Variants in TBC1D31 observed in about 807,000 individuals in gnomAD.
The protein encoded by TBC1D31 is WD repeat domain 67.
Under a neutral mutation model 132.9 loss-of-function variants are expected in TBC1D31, and 99 were observed. That is an observed-to-expected ratio of 0.74 (90% CI 0.63 to 0.88). The LOEUF is 0.88. Among genes scored for constraint, TBC1D31 ranks in the 40% least tolerant of loss-of-function variants. The pLI, the probability that TBC1D31 is intolerant of heterozygous loss-of-function variation, is 0.00. For missense variants in TBC1D31, 1,134 were observed against 1,256.6 expected (o/e 0.90, Z 1.48); for synonymous variants, 385 against 419.4 (o/e 0.92, Z 1.00).
rs759165989 is a variant in TBC1D31 at position 123,144,820 on chromosome 8, C to T, written c.2939C>T (p.Ala980Val). The T allele has an allele frequency of 1.1e-5, 18 of 1,613,224 alleles. No individual in the cohort carries two copies. In the East Asian group the frequency reaches 2.9e-4, roughly 26 times the overall value. ...RKWFLKQEIN[A>V]AVEHAENPCH... is the part of the protein sequence containing the mutation. ...TGGTTTTTAAAGCAAGAGATAAATG[C>T]GGCTGTAGAACATGCTGAAAATCCA... Residue 980 changes from alanine (A) to valine (V), a missense_variant, in exon 20 of 22, where the codon GCG (alanine) becomes GTG (valine). Ala to Val is a moderately conservative substitution (Grantham distance 64). Coordinates refer to ENST00000287380, the MANE Select transcript of TBC1D31 (RefSeq NM_145647.4).
At chr8:123,111,103 C>T (rs1443517673) in intron 10 of TBC1D31, among the ~76,000 whole-genome samples, 1 of 151,154 alleles carries the variant, frequency 6.6e-6, no homozygotes, top group Non-Finnish European at 1.5e-5. Context: ...TTTTTTTTTC[C>T]CCCCTTTGGT....
intron 7 of TBC1D31, chr8:123,103,229 T>G (rs763138086): frequency 3.5e-4 from 54 of 152,216 alleles, no homozygotes; most frequent in Non-Finnish European, 7.2e-4. Context: ...GTATGCATAC[T>G]TGTCTCTAAA....
intron 4 of TBC1D31, 144 bp from the exon 5 acceptor site, chr8:123,093,447 T>A: frequency 2.0e-6 from 1 of 491,210 alleles, no homozygotes; most frequent in Admixed American, 3.6e-5. Context: ...TCAGTATTAC[T>A]CCTTGTCATA....
At position 123,082,592 on chromosome 8, in the gene TBC1D31, G is replaced by C. The variant is rs532093457; in HGVS notation, c.225-110G>C. 97 of 711,838 alleles carry C rather than the reference G, an allele frequency of 1.4e-4. 1 individual carries two copies. The highest frequency in any genetic ancestry group is 1.9e-4 in the Non-Finnish European group (83 of 432,310). The allele number at this position is 711,838 out of a possible 1,614,324, so 44.1% of individuals were successfully genotyped here. A position where few individuals can be genotyped will look rare whatever the true frequency, so the allele number is the denominator to read the frequency against. On this transcript the variant is annotated intron_variant, in intron 2 of 21. Coordinates refer to ENST00000287380, the MANE Select transcript of TBC1D31 (RefSeq NM_145647.4). ...TCATAATCTATTTTTGGCCTAAAAT[G>C]GTAGCTCATTTTTCTGGGTTTCATT...
chr8:123,118,035 A>G (rs1475970133), intron 10 of TBC1D31, among the ~76,000 whole-genome samples: 2 of 152,246 alleles, frequency 1.3e-5, no homozygotes, highest in African/African-American at 4.8e-5. Context: ...CATAAGTATC[A>G]GACAAACCCA....
At chr8:123,114,956 T>C (rs868615569) in intron 10 of TBC1D31, among the ~76,000 whole-genome samples, 1 of 152,244 alleles carries the variant, frequency 6.6e-6, no homozygotes, top group African/African-American at 2.4e-5. Context: ...TTCTAAAAAA[T>C]GCACATGGAT....
intron 10 of TBC1D31, among the ~76,000 whole-genome samples, chr8:123,116,388 C>G (rs1445923513): frequency 6.6e-6 from 1 of 152,060 alleles, no homozygotes; most frequent in African/African-American, 2.4e-5. Flanking sequence ...GTAGAAGCCA[C>G]TTTTTGTATA....
At chr8:123,122,301 T>A (rs979051043) in intron 11 of TBC1D31, among the ~76,000 whole-genome samples, 5 of 152,104 alleles carry the variant, frequency 3.3e-5, no homozygotes, top group Non-Finnish European at 7.4e-5. Flanking sequence ...ATTAACAGAT[T>A]AATGGGTAAG....
rs770551081 is a variant in TBC1D31, at chr8:123,082,747, C to G, written c.270C>G (p.Ala90=). 12 of 1,613,318 alleles carry G rather than the reference C, an allele frequency of 7.4e-6. No individual in the cohort carries two copies. Among genetic ancestry groups the G allele is most frequent in the African/African-American group, 1.3e-5 (1 of 75,068 alleles). Residue 90 remains alanine, a synonymous_variant, in exon 3 of 22, where the codon GCC becomes GCG. Coordinates refer to ENST00000287380, the MANE Select transcript of TBC1D31 (RefSeq NM_145647.4). ...QRTAQACTAL[A]FNLRRKSEFL... is the part of the protein sequence containing the mutation. ...CAGCACAAGCTTGCACAGCTCTGGCCTTTAATCTTCGTAGGAAATCTGAAT... is the reference window on the plus strand; with the variant it reads ...CAGCACAAGCTTGCACAGCTCTGGCGTTTAATCTTCGTAGGAAATCTGAAT...
chr8:123,134,188 A>G lies in TBC1D31; in HGVS notation c.2481A>G (p.Gln827=), dbSNP rs763114028. ...TGAGACAGCTGGAACTCGAATCACA[A>G]AAGAGACTTTATGAGAAGGTATAAT... The part of the protein sequence containing the change: ...LEMRQLELES[Q]KRLYEKNLTE... Residue 827 remains glutamine (Q), a synonymous_variant, in exon 17 of 22, where the codon CAA becomes CAG. Transcript: ENST00000287380. 3.1e-6 allele frequency: 5 copies of G among 1,613,986 alleles called. No homozygotes were observed. The highest frequency in any genetic ancestry group is 3.3e-5 in the Admixed American group (2 of 60,014).
At chr8:123,100,751 A>T (rs1817320955) in intron 6 of TBC1D31, 56 bp from the exon 7 acceptor site, 1 of 1,364,278 alleles carries the variant, frequency 7.3e-7, no homozygotes. Context: ...ATATAGTAGG[A>T]CTTTCAGACA....
At chr8:123,081,545 TTAAA>T (rs1359456024) in intron 2 of TBC1D31, among the ~76,000 whole-genome samples, 1 of 152,220 alleles carries the variant, frequency 6.6e-6, no homozygotes, top group Non-Finnish European at 1.5e-5. Context: ...TTTTAATTGA[TTAAA>T]TATTGAAATA....
At chr8:123,104,400 A>C (rs776646559) in intron 7 of TBC1D31, among the ~76,000 whole-genome samples, 8 of 152,180 alleles carry the variant, frequency 5.3e-5, no homozygotes, top group Non-Finnish European at 1.2e-4. Context: ...ATTTAGAAGA[A>C]TGGATTGAAG....
chr8:123,124,951 A>AG (rs1420142129), intron 11 of TBC1D31, among the ~76,000 whole-genome samples: 1 of 151,870 alleles, frequency 6.6e-6, no homozygotes, highest in Non-Finnish European at 1.5e-5. Context: ...AAAAAAAAAA[A>AG]AAAAATTAAG....
At chr8:123,088,104 G>A (rs1240005687) in intron 4 of TBC1D31, among the ~76,000 whole-genome samples, 2 of 151,664 alleles carry the variant, frequency 1.3e-5, no homozygotes, top group East Asian at 1.9e-4. Flanking sequence ...CAGAAGAATC[G>A]CTTGAACCCG....
rs762699319 is a variant in TBC1D31, at chr8:123,105,444, G to A, written c.1189G>A (p.Gly397Ser). The change falls in exon 8 of 22, where the codon GGT becomes AGT. Residue 397 changes from glycine (G) to serine (S), a missense_variant. Coordinates refer to ENST00000287380, the MANE Select transcript of TBC1D31 (RefSeq NM_145647.4). The part of the protein sequence containing the change: ...QTRILKQDLT[G>S]DFESKKNELP... ...TAGAATATTAAAACAAGACCTGACT[G>A]GTGATTTTGAAAGTAAAAAGGTAAG... 3 of 1,608,384 alleles carry A rather than the reference G, an allele frequency of 1.9e-6. No individual in the cohort carries two copies. Among genetic ancestry groups the A allele is most frequent in the Non-Finnish European group, 2.5e-6 (3 of 1,177,730 alleles).
At chr8:123,080,074 A>G (rs1174461122) in intron 2 of TBC1D31, among the ~76,000 whole-genome samples, 1 of 152,242 alleles carries the variant, frequency 6.6e-6, no homozygotes, top group African/African-American at 2.4e-5. Context: ...TAACAAGAGA[A>G]GAATGAATAA....
chr8:123,156,854 A>G (rs543648152), downstream of TBC1D31, among the ~76,000 whole-genome samples: 1 of 152,236 alleles, frequency 6.6e-6, no homozygotes, highest in African/African-American at 2.4e-5. Flanking sequence ...TGTTGCCTCC[A>G]TTAGACGGCC....
At chr8:123,093,462 A>G (rs1563685434) in intron 4 of TBC1D31, 129 bp from the exon 5 acceptor site, 1 of 548,902 alleles carries the variant, frequency 1.8e-6, no homozygotes. Flanking sequence ...GTCATATATT[A>G]GAAATGTATT....
Sources: gnomAD v4.1 joint callset for allele counts (sites outside exome capture counted in the v4.1 genomes callset) on GRCh38, gnomAD v4.1.1 for gene constraint, MANE v1.5 for transcripts, NCBI Gene and HGNC (gene_info 2026-07-23, HGNC 2026-07-21) for gene names.